Variants in LARP1B observed in about 807,000 individuals in gnomAD.
The protein encoded by LARP1B is la-related protein 1B.
A neutral mutation model predicts 114.2 loss-of-function variants in LARP1B; 76 were observed. That is an observed-to-expected ratio of 0.67 (90% CI 0.55 to 0.81). The LOEUF (loss-of-function observed/expected upper bound fraction) is 0.81, where lower values mean the gene tolerates loss of function less well. Ranked by LOEUF, LARP1B falls within the 30% of genes least tolerant of loss-of-function variation. The probability of loss-of-function intolerance (pLI) is 0.00; values close to 1 mark genes in which losing one functional copy is unlikely to be tolerated. For synonymous variants in LARP1B, 345 were observed against 348.0 expected (o/e 0.99, Z 0.10); for missense variants, 1,014 against 1,075.8 (o/e 0.94, Z 0.80).
intron 15 of LARP1B, among the ~76,000 whole-genome samples, chr4:128,185,571 A>G (rs546470991): frequency 1.0e-4 from 15 of 148,288 alleles, no homozygotes; most frequent in Middle Eastern, 3.6e-3. Context: ...AGTTCCTTGT[A>G]TATTCTAGTT....
At chr4:128,167,011 T>C (rs1046321470) in intron 12 of LARP1B, among the ~76,000 whole-genome samples, 7 of 148,358 alleles carry the variant, frequency 4.7e-5, no homozygotes, top group Admixed American at 3.4e-4. Flanking sequence ...CACATATATA[T>C]ACATATATAC....
At chr4:128,199,679 T>G (rs1160621856) in intron 16 of LARP1B, 80 bp downstream of exon 16, 2 of 650,354 alleles carry the variant, frequency 3.1e-6, no homozygotes, top group Non-Finnish European at 4.5e-6. Flanking sequence ...TGTCATTTAA[T>G]ATCAGGTTAA....
At chr4:128,123,157 C>A (rs1788539822) in intron 11 of LARP1B, 3 of 985,398 alleles carry the variant, frequency 3.0e-6, no homozygotes, top group Non-Finnish European at 3.6e-6. Context: ...CTCCTCATTT[C>A]TTTTCTTCCT....
intron 12 of LARP1B, among the ~76,000 whole-genome samples, chr4:128,173,514 C>T (rs1439977130): frequency 2.0e-5 from 3 of 152,102 alleles, no homozygotes; most frequent in Non-Finnish European, 4.4e-5. Flanking sequence ...AGACTGCAGA[C>T]AAGGCTCATA....
At chr4:128,107,407 G>C (rs1485870420) in intron 9 of LARP1B, 94 bp downstream of exon 9, 1 of 1,530,996 alleles carries the variant, frequency 6.5e-7, no homozygotes, top group African/African-American at 1.4e-5. Flanking sequence ...ATTTAGATTT[G>C]ATAGGAAAAT....
Position 128,210,313 on chromosome 4 carries a change from C to A in LARP1B, c.*260C>A. The stretch of plus-strand genomic sequence containing the variant: ...CTTGGTGACCTTTTATAGAGATCTT[C>A]TAGTAATGTATTTTGATCTCAGATT... On this transcript the variant is annotated 3_prime_UTR_variant, in exon 20 of 20. Coordinates refer to ENST00000326639, the MANE Select transcript of LARP1B (RefSeq NM_018078.4). 8.2e-7 allele frequency: 1 copy of A among 1,221,526 alleles called. No homozygotes were observed. The highest frequency in any genetic ancestry group is 2.6e-5 in the South Asian group (1 of 38,844). 75.7% of individuals were successfully genotyped at this position (1,221,526 alleles called of 1,614,324 possible). A position where few individuals can be genotyped will look rare whatever the true frequency, so the allele number is the denominator to read the frequency against.
intron 11 of LARP1B, among the ~76,000 whole-genome samples, chr4:128,156,389 A>G (rs1013453927): frequency 3.9e-5 from 6 of 152,032 alleles, no homozygotes; most frequent in Non-Finnish European, 8.8e-5. Flanking sequence ...AAAGCTGCCC[A>G]TTGTTTCTCT....
chr4:128,075,385 T>C (rs560169366), intron 3 of LARP1B, among the ~76,000 whole-genome samples: 24 of 152,140 alleles, frequency 1.6e-4, no homozygotes, highest in African/African-American at 4.8e-5. Flanking sequence ...CCATTCTGGC[T>C]GAGGAACAGA....
rs1783363608 is a variant in LARP1B, at chr4:128,109,754, T to C, written c.988+2441T>C. Among the ~76,000 whole-genome samples, 3 of 151,922 alleles carry C rather than the reference T, an allele frequency of 2.0e-5. No individual in the cohort carries two copies. The South Asian group carries it at 6.2e-4, about 31-fold the overall frequency. ...GACTCTTAGCACCACTCAATGAAAA[T>C]TTTAAAAAGTGCCACACATAAAATA... is the stretch of plus-strand genomic sequence containing the variant. On this transcript the variant is annotated intron_variant, in intron 9 of 19. Coordinates refer to ENST00000326639, the MANE Select transcript of LARP1B (RefSeq NM_018078.4).
intron 7 of LARP1B, among the ~76,000 whole-genome samples, chr4:128,097,464 C>T (rs1019857943): frequency 6.6e-6 from 1 of 152,044 alleles, no homozygotes; most frequent in South Asian, 2.1e-4. Context: ...TGCGCTACCA[C>T]ACCCGGATAA....
intron 11 of LARP1B, among the ~76,000 whole-genome samples, chr4:128,140,010 C>A (rs2061570): frequency 0.59 from 90,006 of 151,920 alleles, 27,772 homozygotes; most frequent in Middle Eastern, 0.8. Flanking sequence ...GTGGCTAGTC[C>A]AAATAGGATG....
intron 10 of LARP1B, among the ~76,000 whole-genome samples, chr4:128,119,567 A>G (rs1787216291): frequency 1.3e-5 from 2 of 152,184 alleles, no homozygotes; most frequent in South Asian, 4.1e-4. Context: ...TGTGTTCTAT[A>G]GTTGGTTTTC....
At chr4:128,200,725 T>TCCC (rs1755674328) in intron 17 of LARP1B, 60 bp downstream of exon 17, 17 of 1,258,366 alleles carry the variant, frequency 1.4e-5, no homozygotes, top group Admixed American at 5.0e-5. Context: ...CTTTTTTTCT[T>TCCC]TACCCAGGTA....
At chr4:128,201,782 C>CA (rs1195504748) in intron 17 of LARP1B, among the ~76,000 whole-genome samples, 4 of 151,970 alleles carry the variant, frequency 2.6e-5, no homozygotes, top group Non-Finnish European at 5.9e-5. Context: ...GGCGTGGACT[C>CA]ATGAAGGCTA....
chr4:128,152,978 T>G (rs969429274), intron 11 of LARP1B, among the ~76,000 whole-genome samples: 1 of 135,222 alleles, frequency 7.4e-6, no homozygotes, highest in African/African-American at 2.9e-5. Context: ...TTTGCCTTTT[T>G]TTTTTTTTTT....
At chr4:128,167,097 T>C (rs1434816289) in intron 12 of LARP1B, among the ~76,000 whole-genome samples, 4 of 151,166 alleles carry the variant, frequency 2.6e-5, no homozygotes, top group African/African-American at 7.3e-5. Flanking sequence ...TCTCTGTTTA[T>C]CATAAGTGGA....
At chr4:128,174,994 T>G (rs1268306266) in intron 12 of LARP1B, among the ~76,000 whole-genome samples, 1 of 152,152 alleles carries the variant, frequency 6.6e-6, no homozygotes. Flanking sequence ...TGCAATTGAC[T>G]GATAACACCG....
chr4:128,089,011 G>A (rs1030977219), intron 5 of LARP1B, among the ~76,000 whole-genome samples: 2 of 152,120 alleles, frequency 1.3e-5, no homozygotes, highest in African/African-American at 4.8e-5. Context: ...AAGCATTGAG[G>A]ATGGAACTAT....
chr4:128,206,430 A>G lies in LARP1B; in HGVS notation c.2312A>G (p.Tyr771Cys), dbSNP rs754498426. 2 of 1,569,654 alleles carry G rather than the reference A, an allele frequency of 1.3e-6. No individual in the cohort carries two copies. The highest frequency in any genetic ancestry group is 1.2e-5 in the South Asian group (1 of 84,342). ...AACCTTTTATTTTCTCTTTATAGGT[A>G]TGGGTTAGAATGTCTGTTCAGGTTT... ...AWEDAKENYRYGLECLFRFYS... is the reference protein window; with the variant it reads ...AWEDAKENYRCGLECLFRFYS... Residue 771 changes from tyrosine to cysteine, a missense_variant and splice_region_variant, in exon 18 of 20, where the codon TAT becomes TGT. Physicochemically the swap from Tyr to Cys is radical, Grantham distance 194. Coordinates refer to ENST00000326639, the MANE Select transcript of LARP1B (RefSeq NM_018078.4).
Sources: gnomAD v4.1 joint callset for allele counts (sites outside exome capture counted in the v4.1 genomes callset) on GRCh38, gnomAD v4.1.1 for gene constraint, MANE v1.5 for transcripts, NCBI Gene and HGNC (gene_info 2026-07-23, HGNC 2026-07-21) for gene names.